CECR2: variants seen among roughly 807,000 people sequenced by gnomAD.
CECR2 encodes CECR2 histone acetyl-lysine reader.
In CECR2, 30 loss-of-function variants were observed where a neutral mutation model predicts 154.5. That is an observed-to-expected ratio of 0.19 (90% CI 0.15 to 0.26). The LOEUF (loss-of-function observed/expected upper bound fraction) is 0.26, where lower values mean the gene tolerates loss of function less well. Among genes scored for constraint, CECR2 ranks in the 10% least tolerant of loss-of-function variants. The probability of loss-of-function intolerance (pLI) is 1.00; values close to 1 mark genes in which losing one functional copy is unlikely to be tolerated. For missense variants in CECR2, 1,743 were observed against 1,829.3 expected, an observed-to-expected ratio of 0.95 and a Z score of 0.86; for synonymous variants, 725 against 683.7, an observed-to-expected ratio of 1.06 and a Z score of -0.94.
intron 1 of CECR2, among the ~76,000 whole-genome samples, chr22:17,435,696 A>AAC (rs1555909231): frequency 6.3e-5 from 9 of 142,478 alleles, no homozygotes; most frequent in African/African-American, 2.0e-4. Context: ...AAAAAAAAAA[A>AAC]AAAAAAAAAA....
At chr22:17,486,780 A>C (rs920330179) in intron 2 of CECR2, among the ~76,000 whole-genome samples, 2 of 152,250 alleles carry the variant, frequency 1.3e-5, no homozygotes, top group Admixed American at 6.5e-5. Context: ...AATTCAGGAA[A>C]GTTATCATAC....
chr22:17,503,412 C>T (rs1309915627), intron 6 of CECR2, among the ~76,000 whole-genome samples: 1 of 152,160 alleles, frequency 6.6e-6, no homozygotes, highest in Non-Finnish European at 1.5e-5. Flanking sequence ...ACCAGCTTCT[C>T]AAAGAGAGGT....
chr22:17,470,071 G>A (rs1420834928), intron 1 of CECR2, among the ~76,000 whole-genome samples: 1 of 152,144 alleles, frequency 6.6e-6, no homozygotes, highest in African/African-American at 2.4e-5. Flanking sequence ...GTCCTAAGAT[G>A]CTGAGCTGAT....
intron 9 of CECR2, chr22:17,534,856 T>TAAAAA (rs2056413601): frequency 3.0e-5 from 3 of 100,978 alleles, no homozygotes; most frequent in Admixed American, 9.4e-5. Context: ...AAACTCTGTC[T>TAAAAA]CAAAAAAAAA....
chr22:17,484,520 GT>G (rs779536881), intron 2 of CECR2, among the ~76,000 whole-genome samples: 1 of 151,246 alleles, frequency 6.6e-6, no homozygotes, highest in African/African-American at 2.4e-5. Flanking sequence ...TTCTGTTGTT[GT>G]TTTTTTTAAT....
At chr22:17,519,197 G>A (rs1478258090) in intron 8 of CECR2, among the ~76,000 whole-genome samples, 1 of 152,098 alleles carries the variant, frequency 6.6e-6, no homozygotes, top group African/African-American at 2.4e-5. Flanking sequence ...CTGGTGGTGG[G>A]GAGTGGGGAG....
chr22:17,537,331 G>T, intron 10 of CECR2, 99 bp downstream of exon 10: 1 of 1,388,550 alleles, frequency 7.2e-7, no homozygotes, highest in Non-Finnish European at 1.0e-6. Context: ...AGCCCTGTTG[G>T]GTAACATGGT....
chr22:17,491,193 G>A (rs1437509840), intron 2 of CECR2, among the ~76,000 whole-genome samples: 1 of 152,192 alleles, frequency 6.6e-6, no homozygotes, highest in Non-Finnish European at 1.5e-5. Context: ...GCAAGTCTTT[G>A]TGTGGATGTG....
intron 1 of CECR2, chr22:17,424,550 C>T (rs1483294434): frequency 1.9e-5 from 3 of 154,558 alleles, no homozygotes; most frequent in Non-Finnish European, 4.4e-5. Context: ...AGCTCAAATA[C>T]TCTGCCATCC....
rs1036897447 is a variant in CECR2, at chr22:17,554,607, T to A, written c.*1767T>A. 4.6e-5 allele frequency: 7 copies of A among 152,144 alleles called. No individual in the cohort carries two copies. Among genetic ancestry groups the A allele is most frequent in the Non-Finnish European group, 4.4e-5 (3 of 68,016 alleles). The allele number at this position is 152,144 out of a possible 1,614,324, so 9.4% of individuals were successfully genotyped here. A position where few individuals can be genotyped will look rare whatever the true frequency, so the allele number is the denominator to read the frequency against. On this transcript the variant is annotated 3_prime_UTR_variant, in exon 19 of 19. Coordinates refer to ENST00000262608, the MANE Select transcript of CECR2 (RefSeq NM_001290047.2). ...GCTGCTGCCTAGGGCTCAGGCAGATTTGAGAGTTGAGTAGGGAACACAGGT... is the reference window on the plus strand; with the variant it reads ...GCTGCTGCCTAGGGCTCAGGCAGATATGAGAGTTGAGTAGGGAACACAGGT...
intron 1 of CECR2, among the ~76,000 whole-genome samples, chr22:17,392,792 A>C (rs552019708): frequency 9.4e-4 from 143 of 152,326 alleles, no homozygotes; most frequent in African/African-American, 3.4e-3. Context: ...CTGTAGTCCC[A>C]GCACTTTGGG....
chr22:17,430,065 G>A (rs536255648), intron 1 of CECR2, among the ~76,000 whole-genome samples: 17 of 152,284 alleles, frequency 1.1e-4, no homozygotes, highest in African/African-American at 3.8e-4. Context: ...ATTTACCACA[G>A]GGTTGATGAT....
intron 1 of CECR2, among the ~76,000 whole-genome samples, chr22:17,433,841 G>A (rs924764014): frequency 6.6e-6 from 1 of 152,128 alleles, no homozygotes; most frequent in Non-Finnish European, 1.5e-5. Flanking sequence ...TTAGGGGGAG[G>A]TGATGAAGAA....
chr22:17,429,821 A>G (rs2054394026), intron 1 of CECR2, among the ~76,000 whole-genome samples: 1 of 152,212 alleles, frequency 6.6e-6, no homozygotes, highest in African/African-American at 2.4e-5. Context: ...ATGAGCCTCA[A>G]AAGATGTTTT....
chr22:17,538,829 T>C, intron 12 of CECR2, 98 bp downstream of exon 12: 2 of 1,306,784 alleles, frequency 1.5e-6, no homozygotes, highest in East Asian at 2.3e-5. Flanking sequence ...TTTTGATACG[T>C]TTTTCTTTTC....
Position 17,540,600 on chromosome 22 carries a change from G to T in CECR2, c.1684G>T (p.Gly562Trp), listed in dbSNP as rs1470921145. 10 of 1,613,456 alleles carry T rather than the reference G, an allele frequency of 6.2e-6. No individual in the cohort carries two copies. Among genetic ancestry groups the T allele is most frequent in the Non-Finnish European group, 8.5e-6 (10 of 1,179,726 alleles). ...TTGGACCCGCTCCAGGGACCCAGAA[G>T]GGTCCAGCAGGAAACAGCAGCCCAT... Reference protein sequence around the residue: ...HVWTRSRDPEGSSRKQQPMEN... With the variant: ...HVWTRSRDPEWSSRKQQPMEN... Residue 562 changes from glycine (G) to tryptophan (W), a missense_variant, in exon 14 of 19, where the codon GGG becomes TGG. Coordinates refer to ENST00000262608, the MANE Select transcript of CECR2 (RefSeq NM_001290047.2).
intron 1 of CECR2, among the ~76,000 whole-genome samples, chr22:17,414,173 T>C (rs4819583): frequency 0.043 from 6,229 of 145,986 alleles, 238 homozygotes; most frequent in East Asian, 0.2. Flanking sequence ...GGGATTTCAC[T>C]GTGTTAGCCA....
intron 1 of CECR2, among the ~76,000 whole-genome samples, chr22:17,447,895 T>C (rs1405757871): frequency 6.6e-6 from 1 of 152,084 alleles, no homozygotes. Context: ...GTTTGTTTGT[T>C]TTTGTTTTTA....
chr22:17,448,223 C>T (rs1030369754), intron 1 of CECR2, among the ~76,000 whole-genome samples: 5 of 152,140 alleles, frequency 3.3e-5, no homozygotes, highest in African/African-American at 1.2e-4. Flanking sequence ...GTGTACTACA[C>T]ATCCATGACT....
Sources: allele counts gnomAD v4.1 joint callset (sites outside exome capture counted in the v4.1 genomes callset), GRCh38; gene constraint gnomAD v4.1.1; transcripts MANE v1.5; gene names NCBI Gene and HGNC (gene_info 2026-07-23, HGNC 2026-07-21).